The following PTN variants were observed in gnomAD, a reference collection of about 807,000 sequenced individuals.
PTN encodes pleiotrophin, also known as heparin affin regulatory protein.
Under a neutral mutation model 24.1 loss-of-function variants are expected in PTN, and 18 were observed. The observed-to-expected ratio is 0.75, with a 90% CI of 0.52 to 1.11. The LOEUF (loss-of-function observed/expected upper bound fraction) is 1.11. PTN is among the 50% of genes least tolerant of loss of function. The pLI is 0.00. For missense variants in PTN, 163 were observed against 198.8 expected (o/e 0.82, Z 1.08); for synonymous variants, 78 against 68.6 (o/e 1.14, Z -0.67).
intron 1 of PTN, among the ~76,000 whole-genome samples, chr7:137,328,005 T>C (rs1417974855): frequency 1.4e-4 from 21 of 152,168 alleles, no homozygotes; most frequent in Non-Finnish European, 4.4e-5. Context: ...AATATTTAAT[T>C]CAGTGAGAAG....
chr7:137,275,843 C>G (rs17169022), intron 1 of PTN, among the ~76,000 whole-genome samples: 14,770 of 152,186 alleles, frequency 0.097, 944 homozygotes, highest in South Asian at 0.29. Flanking sequence ...TGTCATGATT[C>G]TACCACATTT....
intron 4 of PTN, among the ~76,000 whole-genome samples, chr7:137,248,563 C>A (rs1203564025): frequency 6.6e-6 from 1 of 152,118 alleles, no homozygotes; most frequent in Admixed American, 6.5e-5. Flanking sequence ...GCCCATAATC[C>A]CAGCTACTCA....
intron 1 of PTN, among the ~76,000 whole-genome samples, chr7:137,280,692 AAAAAT>A (rs374437452): frequency 0.015 from 1,256 of 86,404 alleles, 120 homozygotes; most frequent in African/African-American, 0.055. Context: ...CGTCTCTACT[AAAAAT>A]ACAAAAAAAA....
chr7:137,257,892 C>T (rs745832466), intron 1 of PTN, among the ~76,000 whole-genome samples: 15 of 152,074 alleles, frequency 9.9e-5, no homozygotes, highest in Non-Finnish European at 2.1e-4. Flanking sequence ...AGAAGAGAGG[C>T]CAGAAGCACC....
intron 1 of PTN, among the ~76,000 whole-genome samples, chr7:137,340,921 C>T (rs1014618114): frequency 2.6e-5 from 4 of 152,144 alleles, no homozygotes; most frequent in South Asian, 2.1e-4. Flanking sequence ...ATCATTATGC[C>T]GCCATATTAA....
intron 1 of PTN, among the ~76,000 whole-genome samples, chr7:137,342,527 C>CTGTGTGTGTG (rs4032309): frequency 4.6e-5 from 7 of 150,558 alleles, no homozygotes; most frequent in East Asian, 4.0e-4. Context: ...GTGTGTGTTC[C>CTGTGTGTGTG]TGTGTGTGTG....
At chr7:137,241,539 C>T (rs984621012) in intron 4 of PTN, among the ~76,000 whole-genome samples, 1 of 152,118 alleles carries the variant, frequency 6.6e-6, no homozygotes, top group African/African-American at 2.4e-5. Context: ...CTTTAAAATA[C>T]TGCATATTTA....
At chr7:137,323,988 T>C (rs773450462) in intron 1 of PTN, among the ~76,000 whole-genome samples, 16 of 152,158 alleles carry the variant, frequency 1.1e-4, no homozygotes, top group Non-Finnish European at 2.4e-4. Context: ...GATCTTTTAG[T>C]GTAGGTCCCT....
chr7:137,268,758 T>C (rs571661329), intron 1 of PTN, among the ~76,000 whole-genome samples: 1 of 152,328 alleles, frequency 6.6e-6, no homozygotes, highest in South Asian at 2.1e-4. Flanking sequence ...TCCTAGGCGC[T>C]GGGTTACCTG....
intron 4 of PTN, among the ~76,000 whole-genome samples, chr7:137,233,468 T>C (rs1373494937): frequency 2.0e-5 from 3 of 151,970 alleles, no homozygotes; most frequent in Non-Finnish European, 1.5e-5. Context: ...AAATATGCAC[T>C]CCATCTCCAC....
At chr7:137,268,043 T>C (rs1442836704) in intron 1 of PTN, among the ~76,000 whole-genome samples, 3 of 151,924 alleles carry the variant, frequency 2.0e-5, no homozygotes, top group Non-Finnish European at 4.4e-5. Flanking sequence ...ACGCTTCCAC[T>C]CAAATGAGTG....
At chr7:137,327,939 C>A (rs866447071) in intron 1 of PTN, among the ~76,000 whole-genome samples, 2 of 152,130 alleles carry the variant, frequency 1.3e-5, no homozygotes, top group Non-Finnish European at 2.9e-5. Flanking sequence ...TGACTTCAGG[C>A]GGACACCTTG....
intron 4 of PTN, among the ~76,000 whole-genome samples, 181 bp downstream of exon 4, chr7:137,251,049 T>A (rs1473288071): frequency 6.6e-6 from 1 of 152,212 alleles, no homozygotes; most frequent in Non-Finnish European, 1.5e-5. Flanking sequence ...CAATTTGCAC[T>A]CACAGGCTGC....
intron 1 of PTN, among the ~76,000 whole-genome samples, chr7:137,255,425 G>T (rs1475311186): frequency 6.6e-6 from 1 of 152,136 alleles, no homozygotes; most frequent in African/African-American, 2.4e-5. Context: ...CATGATGAAT[G>T]AATTACCTAT....
At chr7:137,253,260 G>A (rs931855036) in intron 3 of PTN, among the ~76,000 whole-genome samples, 9 of 152,122 alleles carry the variant, frequency 5.9e-5, no homozygotes, top group African/African-American at 1.2e-4. Context: ...AGAAGCCAGC[G>A]ATGCTCCTAA....
intron 1 of PTN, among the ~76,000 whole-genome samples, chr7:137,338,608 T>C (rs1200746772): frequency 6.6e-6 from 1 of 152,200 alleles, no homozygotes; most frequent in Non-Finnish European, 1.5e-5. Flanking sequence ...TGTGTTGTAG[T>C]AATTAGTGTT....
rs561406026 is a variant in PTN at position 137,306,504 on chromosome 7, C to T, written c.-2+36935G>A. Among the ~76,000 whole-genome samples, 4 of 152,180 alleles carry T rather than the reference C, an allele frequency of 2.6e-5. No homozygotes were observed. The East Asian group carries it at 5.8e-4, about 22-fold the overall frequency. On this transcript the variant is annotated intron_variant, in intron 1 of 4. Coordinates refer to ENST00000348225, the MANE Select transcript of PTN (RefSeq NM_002825.7). Reference sequence around the variant, plus strand: ...AATCAAATGCCCTGGCTGAGTTTCCCACCCCCTGGGAGCAGGGAGAGCTAG... The same window carrying T: ...AATCAAATGCCCTGGCTGAGTTTCCTACCCCCTGGGAGCAGGGAGAGCTAG...
At position 137,321,989 on chromosome 7, in the gene PTN, T is replaced by C. The variant is rs1187346775; in HGVS notation, c.-2+21450A>G. On this transcript the variant is annotated intron_variant, in intron 1 of 4. Transcript: ENST00000348225. ...TCGGACTTAACCACTGAAACTGTTA[T>C]TTTATCTCAGCCCAGGAACAGAAAC... Among the ~76,000 whole-genome samples, 6 of 152,300 alleles carry C rather than the reference T, an allele frequency of 3.9e-5. No homozygotes were observed. The South Asian group carries it at 8.3e-4, about 21-fold the overall frequency.
At chr7:137,340,644 G>A (rs1285599268) in intron 1 of PTN, among the ~76,000 whole-genome samples, 1 of 152,140 alleles carries the variant, frequency 6.6e-6, no homozygotes, top group African/African-American at 2.4e-5. Context: ...CCAGAAGGAG[G>A]CAAAAACTCT....
Sources: allele counts gnomAD v4.1 joint callset (sites outside exome capture counted in the v4.1 genomes callset), GRCh38; gene constraint gnomAD v4.1.1; transcripts MANE v1.5; gene names NCBI Gene and HGNC (gene_info 2026-07-23, HGNC 2026-07-21).